The following SDK2 variants were observed in gnomAD, a reference collection of about 807,000 sequenced individuals.
SDK2 encodes the protein sidekick cell adhesion molecule 2, also known as protein sidekick-2.
SDK2 carries 105 observed loss-of-function variants against 253.9 expected under a neutral mutation model. That is an observed-to-expected ratio of 0.41 (90% CI 0.35 to 0.49). SDK2 has a LOEUF of 0.49. SDK2 is among the 20% of genes least tolerant of loss of function. The pLI is 0.06. For synonymous variants in SDK2, 1,249 were observed against 1,234.9 expected, an observed-to-expected ratio of 1.01 and a Z score of -0.24; for missense variants, 2,608 against 3,003.0, an observed-to-expected ratio of 0.87 and a Z score of 3.07.
intron 1 of SDK2, among the ~76,000 whole-genome samples, chr17:73,535,566 G>A (rs1405104489): frequency 6.6e-6 from 1 of 152,162 alleles, no homozygotes; most frequent in East Asian, 1.9e-4. Context: ...TTAACATCCT[G>A]TTCCCCAGGA....
chr17:73,458,581 C>T (rs987875300), intron 3 of SDK2, among the ~76,000 whole-genome samples: 1 of 152,238 alleles, frequency 6.6e-6, no homozygotes, highest in African/African-American at 2.4e-5. Context: ...CTGCAAATGA[C>T]ACTTGTGCCT....
chr17:73,339,873 T>C (rs2062419765), intron 44 of SDK2, among the ~76,000 whole-genome samples: 1 of 151,192 alleles, frequency 6.6e-6, no homozygotes, highest in Non-Finnish European at 1.5e-5. Flanking sequence ...TTCTTTTCTT[T>C]CTTTCTTTTT....
intron 1 of SDK2, among the ~76,000 whole-genome samples, chr17:73,554,679 C>T (rs1034138439): frequency 6.6e-6 from 1 of 152,224 alleles, no homozygotes; most frequent in Non-Finnish European, 1.5e-5. Flanking sequence ...GAAACTAATA[C>T]ACACTTCTGT....
At chr17:73,540,751 G>C (rs535965953) in intron 1 of SDK2, among the ~76,000 whole-genome samples, 2 of 152,192 alleles carry the variant, frequency 1.3e-5, no homozygotes, top group Non-Finnish European at 2.9e-5. Flanking sequence ...TCAATTGGTA[G>C]GAGAGTCTCA....
intron 44 of SDK2, among the ~76,000 whole-genome samples, chr17:73,347,713 G>C (rs2062496398): frequency 6.6e-6 from 1 of 152,154 alleles, no homozygotes; most frequent in Non-Finnish European, 1.5e-5. Context: ...TAACCACTGG[G>C]CTTGGCTGAG....
chr17:73,394,302 A>G lies in SDK2; in HGVS notation c.3615T>C (p.Asn1205=). 2 of 1,594,814 alleles carry G rather than the reference A, an allele frequency of 1.3e-6. No homozygotes were observed. The highest frequency in any genetic ancestry group is 1.1e-5 in the South Asian group (1 of 88,350). Residue 1205 remains asparagine, a synonymous_variant, in exon 26 of 45, where the codon AAT becomes AAC. Transcript: ENST00000392650. ...RESVPSSGPT[N]VSALATTSSS... ...TGGAGGTGGTGGCCAGTGCAGACAC[A>G]TTGGTGGGGCCGGAAGAGGGAACTG...
chr17:73,366,258 T>G (rs1444795405), intron 37 of SDK2, among the ~76,000 whole-genome samples: 1 of 152,204 alleles, frequency 6.6e-6, no homozygotes, highest in Non-Finnish European at 1.5e-5. Flanking sequence ...ACAGAACATG[T>G]TGTCCTGCTG....
At chr17:73,557,078 T>C (rs1370112539) in intron 1 of SDK2, among the ~76,000 whole-genome samples, 2 of 152,252 alleles carry the variant, frequency 1.3e-5, no homozygotes, top group African/African-American at 4.8e-5. Flanking sequence ...CTCCAGAATA[T>C]TCTGGCTGTA....
intron 1 of SDK2, among the ~76,000 whole-genome samples, chr17:73,550,278 G>A (rs759149479): frequency 2.0e-5 from 3 of 152,160 alleles, no homozygotes; most frequent in South Asian, 2.1e-4. Context: ...GCCTCCTAGC[G>A]ACTCTGCTCT....
chr17:73,515,497 G>A (rs370694320), intron 1 of SDK2, among the ~76,000 whole-genome samples: 391 of 152,356 alleles, frequency 2.6e-3, no homozygotes, highest in South Asian at 4.3e-3. Flanking sequence ...GGATAAGGAG[G>A]CAGAATATCC....
At position 73,401,698 on chromosome 17, in the gene SDK2, T is replaced by C; in HGVS notation, c.2735A>G (p.Lys912Arg). Residue 912 changes from lysine (K) to arginine (R), a missense_variant, in exon 20 of 45, where the codon AAG becomes AGG. Physicochemically the swap from Lys to Arg is conservative, Grantham distance 26. This residue lies in a region of SDK2 where 1,505 missense variants were observed against 1,859.1 expected (regional missense o/e 0.81). Transcript: ENST00000392650. ...CTCTCCCGGCTCTTGCCAGCTGACCTTCAGCGATGTGTCCAGGATCTCACT... is the reference window on the plus strand; with the variant it reads ...CTCTCCCGGCTCTTGCCAGCTGACCCTCAGCGATGTGTCCAGGATCTCACT... Reference protein sequence around the residue: ...SFSEILDTSLKVSWQEPGEKN... With the variant: ...SFSEILDTSLRVSWQEPGEKN... The C allele has an allele frequency of 6.3e-7, 1 of 1,595,360 alleles. No homozygotes were observed. The highest frequency in any genetic ancestry group is 8.5e-7 in the Non-Finnish European group (1 of 1,170,200).
intron 1 of SDK2, among the ~76,000 whole-genome samples, chr17:73,569,232 C>G (rs1322781260): frequency 6.8e-6 from 1 of 147,778 alleles, no homozygotes; most frequent in East Asian, 2.0e-4. Flanking sequence ...GAGTCTCACT[C>G]TGTCGCCCAG....
At chr17:73,539,822 G>A (rs1307449835) in intron 1 of SDK2, among the ~76,000 whole-genome samples, 1 of 152,232 alleles carries the variant, frequency 6.6e-6, no homozygotes, top group Non-Finnish European at 1.5e-5. Context: ...CACACGGGGG[G>A]AATGCCATGT....
At chr17:73,430,463 A>C in intron 12 of SDK2, 48 bp downstream of exon 12, 1 of 1,422,350 alleles carries the variant, frequency 7.0e-7, no homozygotes, top group Non-Finnish European at 9.8e-7. Flanking sequence ...AGCTATTGCC[A>C]GAGGCTCCCC....
intron 2 of SDK2, among the ~76,000 whole-genome samples, chr17:73,474,361 T>C (rs753239325): frequency 5.3e-5 from 8 of 152,168 alleles, no homozygotes; most frequent in Non-Finnish European, 1.0e-4. Context: ...CCTGTAAGTT[T>C]CACACATTGT....
intron 1 of SDK2, among the ~76,000 whole-genome samples, chr17:73,592,596 G>A (rs537076904): frequency 1.4e-4 from 22 of 152,144 alleles, no homozygotes; most frequent in African/African-American, 5.3e-4. Context: ...GAGTCTAACC[G>A]GGGCACACCA....
chr17:73,391,915 C>T (rs553657294), intron 27 of SDK2, among the ~76,000 whole-genome samples: 11 of 151,386 alleles, frequency 7.3e-5, no homozygotes, highest in African/African-American at 1.5e-4. Context: ...GTGAAGTGGC[C>T]GTGGGGTAAT....
At chr17:73,562,701 G>A (rs1183343663) in intron 1 of SDK2, among the ~76,000 whole-genome samples, 1 of 152,118 alleles carries the variant, frequency 6.6e-6, no homozygotes, top group Non-Finnish European at 1.5e-5. Context: ...GTGGGGAAAA[G>A]GGAGAGAGAA....
At chr17:73,605,795 G>A (rs1341635842) in intron 1 of SDK2, among the ~76,000 whole-genome samples, 1 of 152,158 alleles carries the variant, frequency 6.6e-6, no homozygotes, top group Non-Finnish European at 1.5e-5. Flanking sequence ...CCAGCCCTTT[G>A]TGGCACGCTC....
Sources: allele counts gnomAD v4.1 joint callset (sites outside exome capture counted in the v4.1 genomes callset), GRCh38; gene constraint gnomAD v4.1.1; regional missense constraint gnomAD v4.1.1; transcripts MANE v1.5; gene names NCBI Gene and HGNC (gene_info 2026-07-23, HGNC 2026-07-21).